Variants in KCNIP1 observed in about 807,000 individuals in gnomAD.
KCNIP1 encodes A-type potassium channel modulatory protein KCNIP1.
In KCNIP1, 18 loss-of-function variants were observed where a neutral mutation model predicts 33.0. The observed-to-expected ratio is 0.55, with a 90% confidence interval of 0.38 to 0.81. The LOEUF (loss-of-function observed/expected upper bound fraction) is 0.81. KCNIP1 is among the 30% of genes least tolerant of loss of function. The probability of loss-of-function intolerance (pLI) is 0.00; values close to 1 mark genes in which losing one functional copy is unlikely to be tolerated. For synonymous variants in KCNIP1, 93 were observed against 98.3 expected, an observed-to-expected ratio of 0.95 and a Z score of 0.32; for missense variants, 238 against 271.6, an observed-to-expected ratio of 0.88 and a Z score of 0.87.
At position 170,703,617 on chromosome 5, in the gene KCNIP1, A is replaced by T. The variant is rs1202853441; in HGVS notation, c.62-15141A>T. Among the ~76,000 whole-genome samples, 4 of 137,180 alleles carry T rather than the reference A, an allele frequency of 2.9e-5. 2 individuals carry two copies. Among genetic ancestry groups the T allele is most frequent in the South Asian group, 5.5e-4 (2 of 3,652 alleles). The allele number at this position is 137,180 out of a possible 152,430, so 90.0% of individuals were successfully genotyped here. A position where few individuals can be genotyped will look rare whatever the true frequency, so the allele number is the denominator to read the frequency against. ...GTGAGACCCCATCTCTACCAAAAAAAAATTAATTTAAAAAATAAAAGAAGT... is the reference window on the plus strand; with the variant it reads ...GTGAGACCCCATCTCTACCAAAAAATAATTAATTTAAAAAATAAAAGAAGT... On this transcript the variant is annotated intron_variant, in intron 1 of 7. Coordinates refer to ENST00000328939, the MANE Select transcript of KCNIP1 (RefSeq NM_014592.4).
chr5:170,568,038 C>A (rs1197912410), intron 1 of KCNIP1, among the ~76,000 whole-genome samples: 1 of 152,158 alleles, frequency 6.6e-6, no homozygotes, highest in Non-Finnish European at 1.5e-5. Context: ...ACAGATGTGG[C>A]CTTTGATAGG....
At chr5:170,550,081 A>G (rs1450826599) in intron 1 of KCNIP1, among the ~76,000 whole-genome samples, 1 of 152,212 alleles carries the variant, frequency 6.6e-6, no homozygotes, top group Non-Finnish European at 1.5e-5. Context: ...GCAAGTGCCT[A>G]GAATCCAGCT....
intron 1 of KCNIP1, among the ~76,000 whole-genome samples, chr5:170,532,656 G>A (rs1755826000): frequency 3.3e-5 from 5 of 152,082 alleles, no homozygotes. Flanking sequence ...AGCCATTGTG[G>A]TGCCATGGAT....
chr5:170,475,856 T>A (rs1432478112), intron 1 of KCNIP1, among the ~76,000 whole-genome samples: 1 of 152,056 alleles, frequency 6.6e-6, no homozygotes, highest in East Asian at 1.9e-4. Flanking sequence ...CAGAGCCAAA[T>A]CCTGAATCAT....
At chr5:170,460,945 G>T (rs898267052) in intron 1 of KCNIP1, among the ~76,000 whole-genome samples, 6 of 152,150 alleles carry the variant, frequency 3.9e-5, no homozygotes, top group African/African-American at 1.4e-4. Flanking sequence ...ACTGATCAAA[G>T]AATTCAGCAA....
chr5:170,691,678 T>A (rs766322433), intron 1 of KCNIP1, among the ~76,000 whole-genome samples: 1 of 152,130 alleles, frequency 6.6e-6, no homozygotes, highest in Non-Finnish European at 1.5e-5. Flanking sequence ...TCCACTAGTA[T>A]CATGTGGCCC....
chr5:170,712,797 G>T, intron 1 of KCNIP1: 1 of 1,557,892 alleles, frequency 6.4e-7, no homozygotes, highest in Admixed American at 1.7e-5. Flanking sequence ...GACAATAAAA[G>T]TGTGTTTTGC....
intron 1 of KCNIP1, among the ~76,000 whole-genome samples, chr5:170,413,052 C>T (rs1050394494): frequency 1.3e-5 from 2 of 152,090 alleles, no homozygotes; most frequent in African/African-American, 2.4e-5. Flanking sequence ...CAGCGCTGGG[C>T]GTAGTAAGTG....
intron 1 of KCNIP1, among the ~76,000 whole-genome samples, chr5:170,368,218 T>C (rs888132215): frequency 6.6e-6 from 1 of 152,138 alleles, no homozygotes; most frequent in East Asian, 1.9e-4. Flanking sequence ...GTTTAGGTTT[T>C]AGCTTGGATT....
chr5:170,468,570 G>GT (rs966948909), intron 1 of KCNIP1, among the ~76,000 whole-genome samples: 3 of 152,062 alleles, frequency 2.0e-5, no homozygotes, highest in African/African-American at 7.2e-5. Flanking sequence ...CTAATTAATA[G>GT]TTTTTTTATT....
intron 1 of KCNIP1, among the ~76,000 whole-genome samples, chr5:170,602,761 G>A (rs1244851982): frequency 6.6e-6 from 1 of 152,184 alleles, no homozygotes; most frequent in Non-Finnish European, 1.5e-5. Context: ...GGCCCTGGCG[G>A]ATGGGTCTCC....
chr5:170,439,901 G>A (rs931869593), intron 1 of KCNIP1, among the ~76,000 whole-genome samples: 1 of 152,166 alleles, frequency 6.6e-6, no homozygotes, highest in Non-Finnish European at 1.5e-5. Context: ...TCATACAACC[G>A]GGGTATGGCT....
chr5:170,619,970 C>T (rs1220482847), intron 1 of KCNIP1, among the ~76,000 whole-genome samples: 2 of 152,134 alleles, frequency 1.3e-5, no homozygotes, highest in Non-Finnish European at 2.9e-5. Context: ...AGCCAGAAAC[C>T]CTTCAGAAGA....
At chr5:170,622,485 G>T (rs535961727) in intron 1 of KCNIP1, among the ~76,000 whole-genome samples, 2 of 152,032 alleles carry the variant, frequency 1.3e-5, no homozygotes, top group South Asian at 4.1e-4. Context: ...AGCTGGGTGT[G>T]GTGGTGAGCA....
At chr5:170,590,340 AGGTCTGG>A (rs931661248) in intron 1 of KCNIP1, among the ~76,000 whole-genome samples, 7 of 152,098 alleles carry the variant, frequency 4.6e-5, no homozygotes, top group African/African-American at 1.7e-4. Flanking sequence ...GGAGAGCTTG[AGGTCTGG>A]GGGCCCCATG....
At chr5:170,731,717 A>AAAAAAGT (rs1250847866) in intron 5 of KCNIP1, among the ~76,000 whole-genome samples, 80 of 141,686 alleles carry the variant, frequency 5.6e-4, no homozygotes, top group Middle Eastern at 3.6e-3. Flanking sequence ...AAGAAAAAAG[A>AAAAAAGT]AAAAAAGAAT....
chr5:170,372,937 A>T (rs1201979024), intron 1 of KCNIP1, among the ~76,000 whole-genome samples: 1 of 152,054 alleles, frequency 6.6e-6, no homozygotes, highest in Non-Finnish European at 1.5e-5. Context: ...ATTATGGGAG[A>T]ACAGAGTCCA....
intron 1 of KCNIP1, among the ~76,000 whole-genome samples, chr5:170,697,591 G>A (rs1341917714): frequency 5.3e-5 from 8 of 152,274 alleles, no homozygotes; most frequent in South Asian, 2.1e-4. Context: ...GCTAGGAAAC[G>A]TCCAAGGAGG....
chr5:170,719,246 C>T (rs748028249), intron 2 of KCNIP1, among the ~76,000 whole-genome samples: 16 of 152,084 alleles, frequency 1.1e-4, no homozygotes, highest in Non-Finnish European at 2.1e-4. Context: ...TAACCAGGCT[C>T]ACCGAGACTG....
Sources: allele counts gnomAD v4.1 joint callset (sites outside exome capture counted in the v4.1 genomes callset), GRCh38; gene constraint gnomAD v4.1.1; transcripts MANE v1.5; gene names NCBI Gene and HGNC (gene_info 2026-07-23, HGNC 2026-07-21).